Variants in CEP128 observed in about 807,000 individuals in gnomAD.
CEP128 encodes the protein centrosomal protein 128.
A neutral mutation model predicts 156.7 loss-of-function variants in CEP128; 132 were observed. The ratio of observed to expected loss-of-function variants is 0.84; its 90% CI spans 0.73 to 0.97. The LOEUF is 0.97. CEP128 is among the 50% of genes least tolerant of loss of function. The pLI is 0.00. For synonymous variants in CEP128, 469 were observed against 448.9 expected (o/e 1.04, Z -0.57); for missense variants, 1,252 against 1,281.9 (o/e 0.98, Z 0.36).
upstream of CEP128, among the ~76,000 whole-genome samples, chr14:80,942,830 C>G (rs1392690151): frequency 1.3e-5 from 2 of 152,050 alleles, no homozygotes; most frequent in African/African-American, 2.4e-5. Flanking sequence ...CCCTCCTTAC[C>G]CCTCCTCCCT....
At position 80,899,994 on chromosome 14, in the gene CEP128, G is replaced by A. The variant is rs2139418179; in HGVS notation, c.516C>T (p.Ser172=). ...HGFHQSLRDL[S]SEQIRLGDDF... ...CATCTCCAAGGCGAATTTGTTCACT[G>A]CTGAGGTCTCGAAGAGACTGATGAA... Residue 172 remains serine (S), a synonymous_variant, in exon 7 of 25, where the codon AGC becomes AGT. Transcript: ENST00000555265. The A allele has an allele frequency of 6.2e-7, 1 of 1,613,572 alleles. No homozygotes were observed. Among genetic ancestry groups the A allele is most frequent in the Admixed American group, 1.7e-5 (1 of 60,014 alleles).
At chr14:80,943,292 A>G (rs1343194296), upstream of CEP128, among the ~76,000 whole-genome samples, 1 of 152,240 alleles carries the variant, frequency 6.6e-6, no homozygotes, top group Non-Finnish European at 1.5e-5. Context: ...AAAGACAATA[A>G]ATGATTACAA....
At chr14:80,907,789 T>C (rs912176229) in intron 4 of CEP128, among the ~76,000 whole-genome samples, 6 of 152,102 alleles carry the variant, frequency 3.9e-5, no homozygotes, top group Non-Finnish European at 7.3e-5. Context: ...AGAGGTCTTA[T>C]GTAGTGATCA....
intron 8 of CEP128, among the ~76,000 whole-genome samples, chr14:80,873,138 T>A (rs1340252126): frequency 6.6e-6 from 1 of 152,208 alleles, no homozygotes; most frequent in African/African-American, 2.4e-5. Context: ...TATAAAAGGC[T>A]GTGTCCTCAT....
At chr14:80,716,090 C>A (rs1387642148) in intron 19 of CEP128, among the ~76,000 whole-genome samples, 1 of 152,064 alleles carries the variant, frequency 6.6e-6, no homozygotes, top group Non-Finnish European at 1.5e-5. Context: ...GATTTTAAAC[C>A]AAGATTACAG....
intron 19 of CEP128, among the ~76,000 whole-genome samples, chr14:80,596,843 G>A (rs1017680400): frequency 7.4e-5 from 2 of 27,018 alleles, no homozygotes; most frequent in Non-Finnish European, 7.9e-5. Context: ...AAAAAAAAAA[G>A]GTGGGGGGGG....
chr14:80,607,536 C>T (rs149579394), intron 19 of CEP128, among the ~76,000 whole-genome samples: 1,624 of 152,250 alleles, frequency 0.011, 14 homozygotes, highest in Non-Finnish European at 0.017. Context: ...ATGTAAAAGT[C>T]TTGCAAGTTC....
At chr14:80,650,203 T>C (rs1180000916) in intron 19 of CEP128, among the ~76,000 whole-genome samples, 1 of 152,198 alleles carries the variant, frequency 6.6e-6, no homozygotes, top group East Asian at 1.9e-4. Context: ...TCACTCATGA[T>C]CTGGCTCTCT....
At chr14:80,491,395 T>C (rs779602606) in intron 6 of CEP128, among the ~76,000 whole-genome samples, 2 of 152,082 alleles carry the variant, frequency 1.3e-5, no homozygotes, top group African/African-American at 2.4e-5. Context: ...CTGTTGCATC[T>C]ATTTTACTCA....
chr14:80,673,670 AAT>A lies in CEP128; in HGVS notation c.2806+69403_2806+69404del, dbSNP rs1217263057. On this transcript the variant is annotated intron_variant, in intron 19 of 24. Coordinates refer to ENST00000555265, the MANE Select transcript of CEP128 (RefSeq NM_152446.5). The stretch of plus-strand genomic sequence containing the variant: ...CAAAAAAAAAAAAAAAAAAAAAAAA[AAT>A]GTACTAAAGCAAAGGGATCTCACAT... Among the ~76,000 whole-genome samples, 96 of 149,066 alleles carry A rather than the reference AAT, an allele frequency of 6.4e-4. 3 individuals are homozygous for A. Among genetic ancestry groups the A allele is most frequent in the African/African-American group, 2.2e-3 (88 of 40,360 alleles).
At chr14:80,629,514 TA>T (rs987971791) in intron 19 of CEP128, among the ~76,000 whole-genome samples, 1 of 134,636 alleles carries the variant, frequency 7.4e-6, no homozygotes, top group African/African-American at 3.5e-5. Context: ...TCCAGTAATA[TA>T]TTTTTTTTTT....
At chr14:80,767,342 C>T (rs1390786672) in intron 16 of CEP128, among the ~76,000 whole-genome samples, 6 of 151,918 alleles carry the variant, frequency 3.9e-5, no homozygotes, top group African/African-American at 1.5e-4. Context: ...ATCATAACCA[C>T]TTTTTTCAAG....
intron 19 of CEP128, among the ~76,000 whole-genome samples, chr14:80,740,045 G>A (rs1384861941): frequency 6.6e-6 from 1 of 152,016 alleles, no homozygotes; most frequent in Non-Finnish European, 1.5e-5. Flanking sequence ...TATCATCTCT[G>A]TCTTTCTAAA....
chr14:80,545,811 G>C (rs1889959175), intron 21 of CEP128, among the ~76,000 whole-genome samples: 1 of 152,146 alleles, frequency 6.6e-6, no homozygotes, highest in Admixed American at 6.5e-5. Context: ...ACACACTAAA[G>C]GCAATTCTTG....
At chr14:80,891,366 T>C (rs1470834180) in intron 8 of CEP128, among the ~76,000 whole-genome samples, 3 of 151,994 alleles carry the variant, frequency 2.0e-5, no homozygotes, top group Non-Finnish European at 4.4e-5. Context: ...TGGAGTACTA[T>C]TCAGCCAAAA....
At chr14:80,935,922 C>G (rs977976102) in intron 2 of CEP128, among the ~76,000 whole-genome samples, 1 of 152,160 alleles carries the variant, frequency 6.6e-6, no homozygotes, top group Non-Finnish European at 1.5e-5. Context: ...AAGGAAACAA[C>G]TTCCAAAAGT....
intron 19 of CEP128, among the ~76,000 whole-genome samples, chr14:80,630,608 A>T (rs1893920734): frequency 6.6e-6 from 1 of 152,048 alleles, no homozygotes; most frequent in African/African-American, 2.4e-5. Context: ...TTGATACAGT[A>T]ATATACATTA....
At chr14:80,778,279 TAACA>T (rs1322371662) in intron 15 of CEP128, among the ~76,000 whole-genome samples, 38 of 152,306 alleles carry the variant, frequency 2.5e-4, no homozygotes, top group African/African-American at 8.9e-4. Context: ...ATGCTAAAGA[TAACA>T]GATATGAATA....
chr14:80,805,015 T>G (rs1169283978), intron 13 of CEP128, among the ~76,000 whole-genome samples: 1 of 152,134 alleles, frequency 6.6e-6, no homozygotes, highest in East Asian at 1.9e-4. Context: ...GGCACTGTCA[T>G]GTACAACCCA....
Sources: gnomAD v4.1 joint callset for allele counts (sites outside exome capture counted in the v4.1 genomes callset) on GRCh38, gnomAD v4.1.1 for gene constraint, MANE v1.5 for transcripts, NCBI Gene and HGNC (gene_info 2026-07-23, HGNC 2026-07-21) for gene names.